Variants in TBX10 observed in about 807,000 individuals in gnomAD.
TBX10 encodes T-box transcription factor TBX10.
A neutral mutation model predicts 32.4 loss-of-function variants in TBX10; 26 were observed. The ratio of observed to expected loss-of-function variants is 0.80; its 90% confidence interval spans 0.59 to 1.11. The LOEUF is 1.11. Among genes scored for constraint, TBX10 ranks in the 50% most tolerant of loss-of-function variants. TBX10 has a pLI of 0.00. For synonymous variants in TBX10, 195 were observed against 203.1 expected (o/e 0.96, Z 0.34); for missense variants, 490 against 494.5 (o/e 0.99, Z 0.09).
At chr11:67,638,725 G>A (rs1026900459) in intron 1 of TBX10, among the ~76,000 whole-genome samples, 6 of 152,200 alleles carry the variant, frequency 3.9e-5, no homozygotes, top group Non-Finnish European at 1.5e-5. Flanking sequence ...GGGGGAGGGG[G>A]CGTCTTTGTG....
At chr11:67,639,401 T>TCCCC in intron 1 of TBX10, 65 bp downstream of exon 1, 10 of 213,918 alleles carry the variant, frequency 4.7e-5, no homozygotes, top group South Asian at 1.1e-4. Flanking sequence ...GTTCCCACCC[T>TCCCC]GCCCACCCAC....
At chr11:67,634,126 C>T (rs1448850586) in intron 4 of TBX10, 63 bp downstream of exon 4, 2 of 1,600,600 alleles carry the variant, frequency 1.2e-6, no homozygotes, top group South Asian at 1.1e-5. Context: ...GGCCATTGGA[C>T]ACCAAAGTCC....
At chr11:67,641,732 G>A (rs768355832), upstream of TBX10, among the ~76,000 whole-genome samples, 4 of 152,262 alleles carry the variant, frequency 2.6e-5, no homozygotes, top group Admixed American at 1.3e-4. Flanking sequence ...GGTGCGGGCA[G>A]TGAGGCTGCA....
chr11:67,637,116 G>T (rs1855342583), intron 1 of TBX10, among the ~76,000 whole-genome samples: 1 of 152,206 alleles, frequency 6.6e-6, no homozygotes. Context: ...CTACTCATAG[G>T]CCGTACGTGG....
Position 67,634,906 on chromosome 11 carries a change from G to T in TBX10, c.287C>A (p.Pro96His), listed in dbSNP as rs768913248. The T allele has an allele frequency of 6.2e-7, 1 of 1,613,348 alleles. No homozygotes were observed. Among genetic ancestry groups the T allele is most frequent in the South Asian group, 1.1e-5 (1 of 91,078 alleles). The change falls in exon 3 of 8, where the codon CCC becomes CAC. Residue 96 changes from proline (P) to histidine (H), a missense_variant. By Grantham distance (77) the Pro-to-His change is moderately conservative (BLOSUM62 -2). Transcript: ENST00000335385. ...GCCCAGGATCTTCACCTGGAAGGGG[G>T]GGAACATCCTCCTGCGGGAGGGAGG... ...IVTKAGRRMF[P>H]PFQVKILGMD...
rs766797610 is a variant in TBX10, at chr11:67,635,031, C to G, written c.240G>C (p.Gln80His). ...EMKPLWEEFNQLGTEMIVTKA... is the reference protein window; with the variant it reads ...EMKPLWEEFNHLGTEMIVTKA... ...TGGTGACGATCATCTCAGTGCCCAGCTGGTTGAATTCCTCCCACAGAGGCT... is the reference window on the plus strand; with the variant it reads ...TGGTGACGATCATCTCAGTGCCCAGGTGGTTGAATTCCTCCCACAGAGGCT... The change falls in exon 2 of 8, where the codon CAG (glutamine) becomes CAC (histidine). Residue 80 changes from glutamine (Q) to histidine (H), a missense_variant. Transcript: ENST00000335385. 5 of 1,613,776 alleles carry G rather than the reference C, an allele frequency of 3.1e-6. No homozygotes were observed. The highest frequency in any genetic ancestry group is 1.7e-5 in the Admixed American group (1 of 60,032).
At chr11:67,633,928 G>A (rs1324005206) in intron 4 of TBX10, among the ~76,000 whole-genome samples, 2 of 152,138 alleles carry the variant, frequency 1.3e-5, no homozygotes, top group African/African-American at 2.4e-5. Flanking sequence ...TAGGCTGGGC[G>A]TTCCATACCT....
chr11:67,635,123 C>A lies in TBX10; in HGVS notation c.148G>T (p.Ala50Ser). ...TTGGGGCCCTGCCCAGTGGGCTCGGCCACAGCTTGGGCCCCAGTAGAGCTG... is the reference window on the plus strand; with the variant it reads ...TTGGGGCCCTGCCCAGTGGGCTCGGACACAGCTTGGGCCCCAGTAGAGCTG... ...CTSSTGAQAVAEPTGQGPKNP... is the reference protein window; with the variant it reads ...CTSSTGAQAVSEPTGQGPKNP... Residue 50 changes from alanine to serine, a missense_variant, in exon 2 of 8, where the codon GCC becomes TCC. Around this residue, in one of 3 missense-constraint regions of TBX10, gnomAD observed 307 missense variants for 294.9 expected, o/e 1.04. Transcript: ENST00000335385. 1 of 1,613,810 alleles carries A rather than the reference C, an allele frequency of 6.2e-7. No individual in the cohort carries two copies. The highest frequency in any genetic ancestry group is 2.2e-5 in the East Asian group (1 of 44,882).
chr11:67,637,936 G>A (rs1263886387), intron 1 of TBX10, among the ~76,000 whole-genome samples: 4 of 152,170 alleles, frequency 2.6e-5, no homozygotes, highest in East Asian at 1.9e-4. Context: ...GGCCGGGCGC[G>A]GTGGCTCATG....
At chr11:67,638,210 AAAATAAAT>A (rs3029208) in intron 1 of TBX10, among the ~76,000 whole-genome samples, 48 of 149,792 alleles carry the variant, frequency 3.2e-4, no homozygotes, top group East Asian at 1.4e-3. Context: ...TCTGTCTCAA[AAAATAAAT>A]AAATAAATAA....
chr11:67,635,578 G>A (rs1020719247), intron 1 of TBX10, among the ~76,000 whole-genome samples: 1 of 151,758 alleles, frequency 6.6e-6, no homozygotes, highest in Non-Finnish European at 1.5e-5. Context: ...GTCAGAAGGG[G>A]CTCTTAATAC....
At position 67,631,887 on chromosome 11, in the gene TBX10, G is replaced by T. The variant is rs746415369; in HGVS notation, c.876C>A (p.Asn292Lys). The change falls in exon 8 of 8, where the codon AAC (asparagine) becomes AAA (lysine). Residue 292 changes from asparagine (N) to lysine (K), a missense_variant. Asn to Lys is a moderately conservative substitution (Grantham distance 94). Around this residue, in one of 3 missense-constraint regions of TBX10, gnomAD observed 177 missense variants for 176.6 expected, o/e 1.00. Coordinates refer to ENST00000335385, the MANE Select transcript of TBX10 (RefSeq NM_005995.5). ...KGATDREKDP[N>K]KASASTSKTP... is the part of the protein sequence containing the mutation. ...TCTTGGAGGTGGAAGCTGAAGCTTTGTTGGGGTCTGAGGGAGGAAATGAGT... is the reference window on the plus strand; with the variant it reads ...TCTTGGAGGTGGAAGCTGAAGCTTTTTTGGGGTCTGAGGGAGGAAATGAGT... 8 of 1,568,020 alleles carry T rather than the reference G, an allele frequency of 5.1e-6. No homozygotes were observed. Among genetic ancestry groups the T allele is most frequent in the Non-Finnish European group, 6.1e-6 (7 of 1,155,700 alleles).
At position 67,633,070 on chromosome 11, in the gene TBX10, G is replaced by A. The variant is rs766153206; in HGVS notation, c.583C>T (p.Arg195Cys). 7.4e-6 allele frequency: 12 copies of A among 1,614,002 alleles called. No homozygotes were observed. The highest frequency in any genetic ancestry group is 2.7e-5 in the African/African-American group (2 of 74,942). Residue 195 changes from arginine (R) to cysteine (C), a missense_variant, in exon 5 of 8, where the codon CGT (arginine) becomes TGT (cysteine). Arg to Cys is a radical substitution (Grantham distance 180). Around this residue, in one of 3 missense-constraint regions of TBX10, gnomAD observed 307 missense variants for 294.9 expected, o/e 1.04. Coordinates refer to ENST00000335385, the MANE Select transcript of TBX10 (RefSeq NM_005995.5). ...GGGTCCACGAAGACCACGTGGAAAC[G>A]GGGCTGGTAGCGGTGCATAGAGTTG... is the stretch of plus-strand genomic sequence containing the variant. ...ILNSMHRYQP[R>C]FHVVFVDPRK...
intron 1 of TBX10, among the ~76,000 whole-genome samples, chr11:67,638,356 G>A (rs1855358839): frequency 6.6e-6 from 1 of 152,212 alleles, no homozygotes; most frequent in Non-Finnish European, 1.5e-5. Context: ...AGCCCCATAA[G>A]GGGCTGAGAA....
upstream of TBX10, among the ~76,000 whole-genome samples, chr11:67,640,735 A>T (rs1855393393): frequency 6.6e-6 from 1 of 151,910 alleles, no homozygotes; most frequent in Non-Finnish European, 1.5e-5. Flanking sequence ...TGTCTTGGGG[A>T]TGCTGGGTTG....
rs199538876 is a variant in TBX10, at chr11:67,631,708, T to G, written c.1055A>C (p.Asn352Thr). 349 of 1,609,462 alleles carry G rather than the reference T, an allele frequency of 2.2e-4. 3 individuals are homozygous for G. In the Admixed American group the frequency reaches 5.8e-3, roughly 27 times the overall value. ...RTRPAPYPLP[N>T]IRADRDQGGL... Reference sequence around the variant, plus strand: ...TCCTTGATCCCTATCAGCCCGGATGTTGGGGAGGGGGTATGGTGCTGGTCG... The same window carrying G: ...TCCTTGATCCCTATCAGCCCGGATGGTGGGGAGGGGGTATGGTGCTGGTCG... Residue 352 changes from asparagine (N) to threonine (T), a missense_variant, in exon 8 of 8, where the codon AAC becomes ACC. By Grantham distance (65) the Asn-to-Thr change is moderately conservative. Transcript: ENST00000335385.
upstream of TBX10, among the ~76,000 whole-genome samples, chr11:67,641,452 C>G (rs1382003580): frequency 6.6e-6 from 1 of 152,228 alleles, no homozygotes; most frequent in Non-Finnish European, 1.5e-5. Context: ...CACACCCCTC[C>G]CCGGCTGGCC....
chr11:67,637,730 GA>G (rs1230670942), intron 1 of TBX10, among the ~76,000 whole-genome samples: 1 of 150,676 alleles, frequency 6.6e-6, no homozygotes, highest in African/African-American at 2.5e-5. Flanking sequence ...AAAATATATT[GA>G]TTTTTTTTTA....
chr11:67,632,301 C>G lies in TBX10; in HGVS notation c.868+17G>C, dbSNP rs1281685158. ...GTACACCTTAGTCCCACTATGTCTG[C>G]AGGCCTGGGGCCTTACCTTTCTCCC... On this transcript the variant is annotated intron_variant, in intron 7 of 7. Transcript: ENST00000335385. 1.2e-6 allele frequency: 2 copies of G among 1,613,004 alleles called. No individual in the cohort carries two copies. Among genetic ancestry groups the G allele is most frequent in the Admixed American group, 1.7e-5 (1 of 60,032 alleles).
Sources: allele counts gnomAD v4.1 joint callset (sites outside exome capture counted in the v4.1 genomes callset), GRCh38; gene constraint gnomAD v4.1.1; regional missense constraint gnomAD v4.1.1; transcripts MANE v1.5; gene names NCBI Gene and HGNC (gene_info 2026-07-23, HGNC 2026-07-21).